GPC6: variants seen among roughly 807,000 people sequenced by gnomAD.
The protein encoded by GPC6 is glypican 6.
Under a neutral mutation model 55.2 loss-of-function variants are expected in GPC6, and 14 were observed. That is an observed-to-expected ratio of 0.25 (90% CI 0.17 to 0.40). GPC6 has a LOEUF of 0.40. Among genes scored for constraint, GPC6 ranks in the 10% least tolerant of loss-of-function variants. GPC6 has a pLI of 1.00. For missense variants in GPC6, 641 were observed against 708.5 expected (o/e 0.90, Z 1.08); for synonymous variants, 278 against 259.6 (o/e 1.07, Z -0.68).
chr13:93,385,525 C>A (rs1875361991), intron 1 of GPC6, among the ~76,000 whole-genome samples: 1 of 152,180 alleles, frequency 6.6e-6, no homozygotes, highest in African/African-American at 2.4e-5. Context: ...GCTCACAGGC[C>A]AGGGCCCCGA....
intron 1 of GPC6, among the ~76,000 whole-genome samples, chr13:93,257,516 A>T (rs1433360684): frequency 6.6e-6 from 1 of 152,238 alleles, no homozygotes; most frequent in Non-Finnish European, 1.5e-5. Context: ...TGTTAAAAAG[A>T]GGCTTCATGT....
chr13:93,713,175 T>C (rs912616291), intron 2 of GPC6, among the ~76,000 whole-genome samples: 1 of 151,632 alleles, frequency 6.6e-6, no homozygotes, highest in Non-Finnish European at 1.5e-5. Context: ...TAGGATTCAA[T>C]ATTAAGATTA....
intron 2 of GPC6, among the ~76,000 whole-genome samples, chr13:93,765,252 C>CCAGATAAGCTGTCTGGAAAGACAACTTTA (rs1885082786): frequency 1.3e-5 from 1 of 78,446 alleles, no homozygotes; most frequent in Non-Finnish European, 3.7e-5. Flanking sequence ...AGACAACTTT[C>CCAGATAAGCTGTCTGGAAAGACAACTTTA]CAGATAAGCT....
intron 4 of GPC6, among the ~76,000 whole-genome samples, chr13:94,032,716 A>G (rs1883187523): frequency 6.6e-6 from 1 of 152,208 alleles, no homozygotes; most frequent in Non-Finnish European, 1.5e-5. Flanking sequence ...CAAAGCCGCT[A>G]GTATTTTTAA....
intron 6 of GPC6, among the ~76,000 whole-genome samples, chr13:94,374,337 C>A (rs374695457): frequency 4.6e-5 from 7 of 151,256 alleles, no homozygotes; most frequent in South Asian, 2.1e-4. Context: ...GTGCAGAGAC[C>A]CACATAGGCT....
chr13:93,798,429 A>T (rs1302857733), intron 2 of GPC6, among the ~76,000 whole-genome samples: 2 of 152,146 alleles, frequency 1.3e-5, no homozygotes, highest in Non-Finnish European at 2.9e-5. Context: ...TAAAAACAAG[A>T]TTTAATAAGC....
intron 4 of GPC6, among the ~76,000 whole-genome samples, chr13:94,243,400 G>GA (rs886236732): frequency 1.3e-4 from 19 of 151,788 alleles, no homozygotes; most frequent in African/African-American, 3.4e-4. Context: ...ATTGCTTCCA[G>GA]AAAAAAAATC....
chr13:93,518,637 A>G (rs1451338183), intron 1 of GPC6, among the ~76,000 whole-genome samples: 1 of 152,050 alleles, frequency 6.6e-6, no homozygotes, highest in Non-Finnish European at 1.5e-5. Flanking sequence ...AGCAGAGGGA[A>G]GATAACACTT....
intron 2 of GPC6, among the ~76,000 whole-genome samples, chr13:93,573,501 T>G (rs1234378938): frequency 6.6e-6 from 1 of 152,174 alleles, no homozygotes; most frequent in East Asian, 1.9e-4. Flanking sequence ...TAAATTTTAT[T>G]TTAATGGAAA....
At chr13:93,318,232 A>AGTTTGTTG (rs1879309366) in intron 1 of GPC6, among the ~76,000 whole-genome samples, 1 of 152,082 alleles carries the variant, frequency 6.6e-6, no homozygotes, top group African/African-American at 2.4e-5. Context: ...GAAGCATTCT[A>AGTTTGTTG]GTTTGTTGAA....
chr13:94,403,341 C>T lies in GPC6; in HGVS notation c.*124C>T, dbSNP rs1881233050. ...CTTACCGTTTTCTATGAGAAGAGAG[C>T]AGTAATGCAATCTGCCTCCCTTTTT... On this transcript the variant is annotated 3_prime_UTR_variant, in exon 9 of 9. Coordinates refer to ENST00000377047, the MANE Select transcript of GPC6 (RefSeq NM_005708.5). 4.0e-6 allele frequency: 3 copies of T among 753,812 alleles called. No individual in the cohort carries two copies. The highest frequency in any genetic ancestry group is 6.9e-6 in the Non-Finnish European group (3 of 433,278). The allele number at this position is 753,812 out of a possible 1,614,324, so 46.7% of individuals were successfully genotyped here. A position where few individuals can be genotyped will look rare whatever the true frequency, so the allele number is the denominator to read the frequency against.
At chr13:93,721,776 T>C (rs1023618681) in intron 2 of GPC6, among the ~76,000 whole-genome samples, 1 of 151,838 alleles carries the variant, frequency 6.6e-6, no homozygotes, top group Non-Finnish European at 1.5e-5. Context: ...AGTAACTTAA[T>C]AGTATACATG....
At chr13:93,285,468 T>C (rs1009148647) in intron 1 of GPC6, among the ~76,000 whole-genome samples, 3 of 152,156 alleles carry the variant, frequency 2.0e-5, no homozygotes. Context: ...GTAGTCCTAG[T>C]TTGTCAATTA....
intron 2 of GPC6, among the ~76,000 whole-genome samples, chr13:93,781,527 G>A (rs1419646616): frequency 6.6e-6 from 1 of 152,044 alleles, no homozygotes; most frequent in East Asian, 1.9e-4. Context: ...TAGAGTTGGG[G>A]TCCTAAAAAT....
intron 4 of GPC6, among the ~76,000 whole-genome samples, chr13:94,058,088 C>A (rs2138763435): frequency 6.6e-6 from 1 of 152,262 alleles, no homozygotes; most frequent in Non-Finnish European, 1.5e-5. Context: ...TAAACCTAGA[C>A]TACTATTACA....
intron 4 of GPC6, among the ~76,000 whole-genome samples, chr13:94,057,804 C>CA (rs1280627323): frequency 1.3e-5 from 2 of 152,026 alleles, no homozygotes; most frequent in South Asian, 2.1e-4. Flanking sequence ...TGGTCTTAAT[C>CA]AAAAAAAGCC....
At chr13:93,528,665 T>TG (rs1201121750) in intron 1 of GPC6, among the ~76,000 whole-genome samples, 1 of 152,216 alleles carries the variant, frequency 6.6e-6, no homozygotes, top group African/African-American at 2.4e-5. Flanking sequence ...AAGGTAAATA[T>TG]GGCAAATGAG....
chr13:93,813,441 T>C (rs1382048787), intron 2 of GPC6, among the ~76,000 whole-genome samples: 1 of 152,150 alleles, frequency 6.6e-6, no homozygotes, highest in Non-Finnish European at 1.5e-5. Flanking sequence ...ATCTCATATT[T>C]ATTTATAATA....
At chr13:93,896,298 G>GA (rs1184233203) in intron 3 of GPC6, among the ~76,000 whole-genome samples, 2 of 151,680 alleles carry the variant, frequency 1.3e-5, no homozygotes, top group Non-Finnish European at 1.5e-5. Context: ...TTCTACAGTA[G>GA]AAAAAAAATG....
Sources: allele counts gnomAD v4.1 joint callset (sites outside exome capture counted in the v4.1 genomes callset), GRCh38; gene constraint gnomAD v4.1.1; transcripts MANE v1.5; gene names NCBI Gene and HGNC (gene_info 2026-07-23, HGNC 2026-07-21).